Variants in TSPAN14 observed in about 807,000 individuals in gnomAD.
TSPAN14 encodes tetraspanin 14.
In TSPAN14, 16 loss-of-function variants were observed where a neutral mutation model predicts 36.6. That is an observed-to-expected ratio of 0.44 (90% CI 0.30 to 0.66). The LOEUF (loss-of-function observed/expected upper bound fraction) is 0.66, where lower values mean the gene tolerates loss of function less well. Among genes scored for constraint, TSPAN14 ranks in the 30% least tolerant of loss-of-function variants. TSPAN14 has a pLI of 0.12. For synonymous variants in TSPAN14, 139 were observed against 143.8 expected (o/e 0.97, Z 0.24); for missense variants, 231 against 355.1 (o/e 0.65, Z 2.81).
chr10:80,508,310 G>C (rs938083386), intron 4 of TSPAN14, among the ~76,000 whole-genome samples: 1 of 152,024 alleles, frequency 6.6e-6, no homozygotes, highest in Non-Finnish European at 1.5e-5. Flanking sequence ...AGTAGAGACG[G>C]GGTTTCACCG....
intron 1 of TSPAN14, among the ~76,000 whole-genome samples, chr10:80,466,019 C>T (rs1177621266): frequency 6.6e-6 from 1 of 152,150 alleles, no homozygotes; most frequent in East Asian, 1.9e-4. Flanking sequence ...TGTGCCCGCC[C>T]CAACCCATAC....
At chr10:80,512,269 G>C in exon 6 of TSPAN14, 1 of 1,613,652 alleles carries the variant, frequency 6.2e-7, no homozygotes, top group Non-Finnish European at 8.5e-7. Context: ...CAGATCCTGC[G>C]GTGAGTTGGC....
In TSPAN14 at chr10:80,509,630, G is replaced by C; in HGVS notation, c.450+159G>C. On this transcript the variant is annotated intron_variant, in intron 5 of 8. Transcript: ENST00000429989. The surrounding 1 kb of genome is among the most constrained non-coding windows in gnomAD (Gnocchi z 4.7). ...GAACAAGCCACTCCACCTCTGGTCT[G>C]TTCCACTTTGCCGGCTTGTGGTTGC... 1 of 739,720 alleles carries C rather than the reference G, an allele frequency of 1.4e-6. No individual in the cohort carries two copies. Among genetic ancestry groups the C allele is most frequent in the Non-Finnish European group, 2.1e-6 (1 of 470,794 alleles). 45.8% of individuals were successfully genotyped at this position (739,720 alleles called of 1,614,324 possible). A position where few individuals can be genotyped will look rare whatever the true frequency, so the allele number is the denominator to read the frequency against.
intron 1 of TSPAN14, among the ~76,000 whole-genome samples, chr10:80,461,890 C>T (rs941014604): frequency 6.6e-6 from 1 of 150,716 alleles, no homozygotes; most frequent in African/African-American, 2.5e-5. Context: ...GTATGGTTCT[C>T]ACTGTTGTGA....
At chr10:80,472,777 G>A (rs1165958580) in intron 1 of TSPAN14, among the ~76,000 whole-genome samples, 1 of 152,174 alleles carries the variant, frequency 6.6e-6, no homozygotes, top group African/African-American at 2.4e-5. Flanking sequence ...TATTCAATGA[G>A]TTAAAATCCG....
At chr10:80,506,094 C>T (rs1237043207) in intron 3 of TSPAN14, among the ~76,000 whole-genome samples, 3 of 152,232 alleles carry the variant, frequency 2.0e-5, no homozygotes, top group Admixed American at 6.5e-5. Flanking sequence ...GCCTCACCCT[C>T]CCAAATAGCT....
intron 8 of TSPAN14, among the ~76,000 whole-genome samples, chr10:80,517,680 C>T (rs2132071259): frequency 6.6e-6 from 1 of 152,368 alleles, no homozygotes; most frequent in Middle Eastern, 3.4e-3. Context: ...TGGTTTGCCT[C>T]TTCTAGGCTT....
rs186511526 is a variant in TSPAN14 at position 80,500,490 on chromosome 10, C to T, written c.82-4238C>T. On this transcript the variant is annotated intron_variant, in intron 2 of 8. Coordinates refer to ENST00000429989, the Ensembl canonical transcript of TSPAN14. ...GATTATAGGCATGTGCCACCACGCT[C>T]GGCTAATTTTTTATTTTTAGTAGAG... Among the ~76,000 whole-genome samples the T allele has an allele frequency of 1.9e-3, 282 of 151,834 alleles. 2 individuals are homozygous for T. The highest frequency in any genetic ancestry group is 6.6e-4 in the Admixed American group (10 of 15,248).
At chr10:80,478,934 C>T (rs961236203) in intron 1 of TSPAN14, among the ~76,000 whole-genome samples, 2 of 152,084 alleles carry the variant, frequency 1.3e-5, no homozygotes, top group African/African-American at 2.4e-5. Flanking sequence ...CCTATTTCTC[C>T]ACATCCTCTC....
chr10:80,464,648 C>T (rs577377048), intron 1 of TSPAN14, among the ~76,000 whole-genome samples: 8 of 152,318 alleles, frequency 5.3e-5, no homozygotes, highest in East Asian at 3.9e-4. Flanking sequence ...CTCACCATTG[C>T]GGTTACATGC....
intron 1 of TSPAN14, among the ~76,000 whole-genome samples, chr10:80,456,945 C>G (rs749859182): frequency 6.6e-6 from 1 of 152,072 alleles, no homozygotes; most frequent in Non-Finnish European, 1.5e-5. Flanking sequence ...GCCTATAATC[C>G]CAGCTACTTG....
At position 80,460,619 on chromosome 10, in the gene TSPAN14, GGT is replaced by G. The variant is rs1420482811; in HGVS notation, c.-18+6251_-18+6252del. Among the ~76,000 whole-genome samples, 10 of 152,228 alleles carry G rather than the reference GGT, an allele frequency of 6.6e-5. No individual in the cohort carries two copies. In the East Asian group the frequency reaches 1.9e-3, roughly 29 times the overall value. On this transcript the variant is annotated intron_variant, in intron 1 of 8. Transcript: ENST00000429989. The stretch of plus-strand genomic sequence containing the variant: ...TAGGGGACAGGTTTCTCTCCTTGTA[GGT>G]GTCCCTTCTTGTAAGTGTCACTCTC...
At chr10:80,476,840 T>G (rs1846943339) in intron 1 of TSPAN14, among the ~76,000 whole-genome samples, 1 of 152,188 alleles carries the variant, frequency 6.6e-6, no homozygotes, top group Admixed American at 6.5e-5. Context: ...TCTCACAATT[T>G]CTGTAGGTCA....
chr10:80,494,379 TGA>T (rs1450960175), intron 2 of TSPAN14, among the ~76,000 whole-genome samples: 1 of 152,220 alleles, frequency 6.6e-6, no homozygotes, highest in Non-Finnish European at 1.5e-5. Flanking sequence ...AAGAGAATTT[TGA>T]GAGAGTCTTG....
intron 1 of TSPAN14, among the ~76,000 whole-genome samples, chr10:80,470,379 T>C (rs566722387): frequency 1.3e-5 from 2 of 152,216 alleles, no homozygotes; most frequent in African/African-American, 2.4e-5. Context: ...GCGCCCAGCC[T>C]TTCCTGAATA....
chr10:80,472,823 C>G lies in TSPAN14; in HGVS notation c.-17-16394C>G, dbSNP rs7916980. On this transcript the variant is annotated intron_variant, in intron 1 of 8. Transcript: ENST00000429989. ...TGTTTATTTTGCCGCTCAGATTGTT[C>G]CAGATTTGGCCAGTGGGGGCTTTTT... Among the ~76,000 whole-genome samples, 247 of 152,196 alleles carry G rather than the reference C, an allele frequency of 1.6e-3. 1 individual carries two copies. The highest frequency in any genetic ancestry group is 5.9e-3 in the African/African-American group (243 of 41,534).
intron 2 of TSPAN14, among the ~76,000 whole-genome samples, chr10:80,501,365 A>G (rs781680855): frequency 2.0e-4 from 29 of 148,254 alleles, no homozygotes; most frequent in Non-Finnish European, 3.1e-4. Context: ...GGCTCAAGCA[A>G]TCCTCCTGCC....
At chr10:80,497,490 C>T (rs1304275263) in intron 2 of TSPAN14, among the ~76,000 whole-genome samples, 2 of 152,232 alleles carry the variant, frequency 1.3e-5, no homozygotes, top group East Asian at 1.9e-4. Context: ...GTAATTGCTA[C>T]GGGGATCATC....
intron 1 of TSPAN14, among the ~76,000 whole-genome samples, chr10:80,465,916 G>A (rs1292641414): frequency 6.6e-6 from 1 of 152,138 alleles, no homozygotes; most frequent in Non-Finnish European, 1.5e-5. Flanking sequence ...GGCAAAATGA[G>A]CATTCTCTTT....
Sources: gnomAD v4.1 joint callset for allele counts (sites outside exome capture counted in the v4.1 genomes callset) on GRCh38, gnomAD v4.1.1 for gene constraint, Gnocchi (gnomAD v3.1) non-coding constraint, MANE v1.5 for transcripts, NCBI Gene and HGNC (gene_info 2026-07-23, HGNC 2026-07-21) for gene names.